TDRP: variants seen among roughly 807,000 people sequenced by gnomAD.
TDRP encodes the protein testis development-related protein.
Under a neutral mutation model 10.5 loss-of-function variants are expected in TDRP, and 12 were observed. That is an observed-to-expected ratio of 1.15 (90% CI 0.73 to 1.86). The LOEUF is 1.86. Ranked by LOEUF, TDRP falls within the 40% of genes most tolerant of loss-of-function variation. TDRP has a pLI of 0.00. For missense variants in TDRP, 353 were observed against 229.2 expected, an observed-to-expected ratio of 1.54 and a Z score of -3.49; for synonymous variants, 139 against 95.4, an observed-to-expected ratio of 1.46 and a Z score of -2.67.
At chr8:494,069 G>A (rs545139196) in intron 2 of TDRP, among the ~76,000 whole-genome samples, 1 of 132,652 alleles carries the variant, frequency 7.5e-6, no homozygotes, top group Middle Eastern at 5.1e-3. Flanking sequence ...CAATTCTCCT[G>A]CCTCAGCCTC....
At chr8:544,870 C>T (rs1162565896), upstream of TDRP, 4 of 770,712 alleles carry the variant, frequency 5.2e-6, no homozygotes, top group East Asian at 3.7e-5. Context: ...CCCAGTGGGC[C>T]GGGCGGGGCT....
intron 1 of TDRP, among the ~76,000 whole-genome samples, chr8:497,952 A>G (rs1004702812): frequency 6.6e-6 from 1 of 152,200 alleles, no homozygotes; most frequent in African/African-American, 2.4e-5. Context: ...TGGGCCTGAA[A>G]GTACACAGAA....
intron 1 of TDRP, among the ~76,000 whole-genome samples, chr8:530,265 ATC>A (rs1483360170): frequency 6.6e-6 from 1 of 152,062 alleles, no homozygotes; most frequent in East Asian, 1.9e-4. Flanking sequence ...TTGCTTGACT[ATC>A]TCTGTTCTCT....
chr8:491,534 C>G lies in TDRP; in HGVS notation c.*865G>C, dbSNP rs772511967. The G allele has an allele frequency of 2.9e-6, 4 of 1,383,018 alleles. No homozygotes were observed. The South Asian group carries it at 5.7e-5, about 20-fold the overall frequency. The allele number at this position is 1,383,018 out of a possible 1,614,324, so 85.7% of individuals were successfully genotyped here. The stretch of plus-strand genomic sequence containing the variant: ...CAATCACAATAGGCATCTCGCTTTG[C>G]AAGAACAAACATATGAGCCTAATAA... On this transcript the variant is annotated 3_prime_UTR_variant, in exon 3 of 3. Coordinates refer to ENST00000324079, the MANE Select transcript of TDRP (RefSeq NM_001384899.1).
rs1800957459 is a variant in TDRP at position 491,055 on chromosome 8, A to C, written c.*1344T>G. On this transcript the variant is annotated 3_prime_UTR_variant, in exon 3 of 3. Transcript: ENST00000324079. Reference sequence around the variant, plus strand: ...TGCTGTTTTTTGCATAACAGATGACAGATCAAGTAAACCTGTTCTATTAAA... The same window carrying C: ...TGCTGTTTTTTGCATAACAGATGACCGATCAAGTAAACCTGTTCTATTAAA... 6.6e-6 allele frequency: 1 copy of C among 152,276 alleles called. No homozygotes were observed. The allele number at this position is 152,276 out of a possible 1,614,324, so 9.4% of individuals were successfully genotyped here.
chr8:524,295 T>G (rs4735854), intron 1 of TDRP, among the ~76,000 whole-genome samples: 1 of 151,940 alleles, frequency 6.6e-6, no homozygotes, highest in Non-Finnish European at 1.5e-5. Context: ...CCAAGTCCCT[T>G]TGAATACTTG....
At position 492,453 on chromosome 8, in the gene TDRP, G is replaced by A. The variant is rs1801005822; in HGVS notation, c.504C>T (p.Ser168=). ...WSLRAAGRLV[S]IRRQSKGHLT... ...GGTGGCCTTTACTCTGCCGTCGGAT[G>A]CTCACCAGCCTCCCTGCCGCGCGCA... is the stretch of plus-strand genomic sequence containing the variant. The change falls in exon 3 of 3, where the codon AGC becomes AGT. Residue 168 remains serine, a synonymous_variant. Coordinates refer to ENST00000324079, the MANE Select transcript of TDRP (RefSeq NM_001384899.1). 2.5e-6 allele frequency: 4 copies of A among 1,597,060 alleles called. No homozygotes were observed. The highest frequency in any genetic ancestry group is 3.4e-5 in the Admixed American group (2 of 59,142).
At chr8:532,329 C>G in intron 1 of TDRP, among the ~76,000 whole-genome samples, 1 of 152,206 alleles carries the variant, frequency 6.6e-6, no homozygotes. Flanking sequence ...AAACCTGCTA[C>G]TGGGGGAAAC....
In TDRP at chr8:504,550, G is replaced by T. The variant is rs73672338; in HGVS notation, c.109-9953C>A. ...AGAATGTTCAAAGAGGCAGACTCTG[G>T]GCTCTGCCACAAACCGTGATTCGCA... On this transcript the variant is annotated intron_variant, in intron 1 of 2. Transcript: ENST00000324079. 7.4e-3 allele frequency among the ~76,000 whole-genome samples: 1,119 copies of T among 152,242 alleles called. 13 individuals are homozygous for T. The highest frequency in any genetic ancestry group is 0.026 in the African/African-American group (1,064 of 41,530).
At position 491,105 on chromosome 8, in the gene TDRP, G is replaced by C. The variant is rs1000931180; in HGVS notation, c.*1294C>G. 6.6e-6 allele frequency: 1 copy of C among 152,446 alleles called. No homozygotes were observed. Among genetic ancestry groups the C allele is most frequent in the Admixed American group, 6.5e-5 (1 of 15,294 alleles). 9.4% of individuals were successfully genotyped at this position (152,446 alleles called of 1,614,324 possible). A position where few individuals can be genotyped will look rare whatever the true frequency, so the allele number is the denominator to read the frequency against. ...AAAACATGCAGACACTGATAACACT[G>C]CAGTGTGTTCTGCCATCAGGCACAC... is the stretch of plus-strand genomic sequence containing the variant. On this transcript the variant is annotated 3_prime_UTR_variant, in exon 3 of 3. Transcript: ENST00000324079.
rs1356022292 is a variant in TDRP at position 528,450 on chromosome 8, T to C, written c.108+16200A>G. ...AGGAAATCAATATATCAAAGAGATA[T>C]CTGTGCTTCCAATATATATTGCAGC... On this transcript the variant is annotated intron_variant, in intron 1 of 2. Coordinates refer to ENST00000324079, the MANE Select transcript of TDRP (RefSeq NM_001384899.1). Among the ~76,000 whole-genome samples the C allele has an allele frequency of 2.3e-5, 3 of 131,580 alleles. No individual in the cohort carries two copies. In the East Asian group the frequency reaches 7.3e-4, roughly 32 times the overall value. 86.3% of individuals were successfully genotyped at this position (131,580 alleles called of 152,430 possible).
intron 1 of TDRP, among the ~76,000 whole-genome samples, chr8:536,022 G>A (rs1802341117): frequency 6.6e-6 from 1 of 152,144 alleles, no homozygotes; most frequent in East Asian, 1.9e-4. Context: ...GCCACCTTAA[G>A]CCCTAGCAAA....
rs957836087 is a variant in TDRP at position 492,270 on chromosome 8, G to A, written c.*129C>T. On this transcript the variant is annotated 3_prime_UTR_variant, in exon 3 of 3. Transcript: ENST00000324079. ...TGAGAGTTCATTAAATAAAGAAACA[G>A]AGGTCCAAATATCAAATATAGGCAA... The A allele has an allele frequency of 7.5e-7, 1 of 1,335,070 alleles. No individual in the cohort carries two copies. The highest frequency in any genetic ancestry group is 9.6e-7 in the Non-Finnish European group (1 of 1,044,592). The allele number at this position is 1,335,070 out of a possible 1,614,324, so 82.7% of individuals were successfully genotyped here. A position where few individuals can be genotyped will look rare whatever the true frequency, so the allele number is the denominator to read the frequency against.
chr8:540,904 G>C (rs899143491), intron 1 of TDRP, among the ~76,000 whole-genome samples: 1 of 150,984 alleles, frequency 6.6e-6, no homozygotes, highest in African/African-American at 2.4e-5. Flanking sequence ...GAATCAAGCA[G>C]AATGTGCTCT....
chr8:492,204 T>C lies in TDRP; in HGVS notation c.*195A>G. ...ATTTCTGCAATAAGGCAATCAAATG[T>C]ACAATCCCTGCACGTGTTCACCAAG... On this transcript the variant is annotated 3_prime_UTR_variant, in exon 3 of 3. Transcript: ENST00000324079. 1.6e-6 allele frequency: 2 copies of C among 1,272,248 alleles called. No individual in the cohort carries two copies. The highest frequency in any genetic ancestry group is 3.5e-5 in the South Asian group (1 of 28,456). 78.8% of individuals were successfully genotyped at this position (1,272,248 alleles called of 1,614,324 possible).
At chr8:528,590 C>G (rs930420543) in intron 1 of TDRP, among the ~76,000 whole-genome samples, 1 of 131,760 alleles carries the variant, frequency 7.6e-6, no homozygotes, top group Admixed American at 8.3e-5. Flanking sequence ...TGACTACAGC[C>G]AATAATATTA....
intron 1 of TDRP, among the ~76,000 whole-genome samples, chr8:540,605 T>G (rs1802466977): frequency 6.6e-6 from 1 of 152,074 alleles, no homozygotes; most frequent in Non-Finnish European, 1.5e-5. Flanking sequence ...TTACAAACCT[T>G]GCGGTTATAT....
rs1800999378 is a variant in TDRP at position 492,299 on chromosome 8, G to A, written c.*100C>T. The A allele has an allele frequency of 2.2e-6, 3 of 1,356,966 alleles. No homozygotes were observed. Among genetic ancestry groups the A allele is most frequent in the African/African-American group, 3.0e-5 (2 of 67,630 alleles). 84.1% of individuals were successfully genotyped at this position (1,356,966 alleles called of 1,614,324 possible). A position where few individuals can be genotyped will look rare whatever the true frequency, so the allele number is the denominator to read the frequency against. ...TCCAAATATCAAATATAGGCAAAAA[G>A]TAGACTCTCTATTCTTTCTAACGCG... On this transcript the variant is annotated 3_prime_UTR_variant, in exon 3 of 3. Transcript: ENST00000324079.
chr8:514,342 C>A (rs78398648), intron 1 of TDRP, among the ~76,000 whole-genome samples: 2,387 of 152,248 alleles, frequency 0.016, 60 homozygotes, highest in African/African-American at 0.054. Context: ...AGTGCCAAGA[C>A]AATTCAATGG....
Sources: allele counts gnomAD v4.1 joint callset (sites outside exome capture counted in the v4.1 genomes callset), GRCh38; gene constraint gnomAD v4.1.1; transcripts MANE v1.5; gene names NCBI Gene and HGNC (gene_info 2026-07-23, HGNC 2026-07-21).